DNAJA4: variants seen among roughly 807,000 people sequenced by gnomAD.
DNAJA4 encodes the protein DnaJ heat shock protein family (Hsp40) member A4.
Under a neutral mutation model 39.7 loss-of-function variants are expected in DNAJA4, and 32 were observed. The observed-to-expected ratio is 0.81, with a 90% CI of 0.61 to 1.08. The LOEUF is 1.08. Among genes scored for constraint, DNAJA4 ranks in the 50% least tolerant of loss-of-function variants. The pLI, the probability that DNAJA4 is intolerant of heterozygous loss-of-function variation, is 0.00. For synonymous variants in DNAJA4, 184 were observed against 182.4 expected, an observed-to-expected ratio of 1.01 and a Z score of -0.07; for missense variants, 439 against 505.1, an observed-to-expected ratio of 0.87 and a Z score of 1.25.
chr15:78,273,778 C>T (rs370384293), intron 3 of DNAJA4, among the ~76,000 whole-genome samples: 26 of 152,094 alleles, frequency 1.7e-4, no homozygotes, highest in Admixed American at 7.9e-4. Context: ...CAAGAAAAGC[C>T]ATGTCTGGTG....
chr15:78,280,401 G>C lies in DNAJA4; in HGVS notation c.1135G>C (p.Glu379Gln). 6.2e-7 allele frequency: 1 copy of C among 1,614,058 alleles called. No homozygotes were observed. The highest frequency in any genetic ancestry group is 8.5e-7 in the Non-Finnish European group (1 of 1,180,020). Reference sequence around the variant, plus strand: ...TGAGCAGAACTGGCGTCAGCACAGGGAGGCCTACGAGGAGGACGAAGACGG... The same window carrying C: ...TGAGCAGAACTGGCGTCAGCACAGGCAGGCCTACGAGGAGGACGAAGACGG... ...PNEQNWRQHR[E>Q]AYEEDEDGPQ... The change falls in exon 7 of 7, where the codon GAG (glutamate) becomes CAG (glutamine). Residue 379 changes from glutamate to glutamine, a missense_variant. Physicochemically the swap from Glu to Gln is conservative, Grantham distance 29. Coordinates refer to ENST00000394852, the MANE Select transcript of DNAJA4 (RefSeq NM_001130182.2).
At chr15:78,264,480 AG>A (rs946168352), upstream of DNAJA4, 40 of 1,277,660 alleles carry the variant, frequency 3.1e-5, no homozygotes, top group African/African-American at 6.2e-4. Flanking sequence ...CGAAGGTTCT[AG>A]GCCTTTGTGG....
intron 2 of DNAJA4, among the ~76,000 whole-genome samples, chr15:78,271,073 A>AC (rs2049282491): frequency 1.3e-5 from 2 of 151,006 alleles, no homozygotes; most frequent in Non-Finnish European, 3.0e-5. Flanking sequence ...AAACAAACAA[A>AC]AAACCCCACC....
At chr15:78,267,748 T>A (rs1459603096) in intron 1 of DNAJA4, among the ~76,000 whole-genome samples, 1 of 152,232 alleles carries the variant, frequency 6.6e-6, no homozygotes, top group East Asian at 1.9e-4. Context: ...CTTTCCAAGC[T>A]TTCCCCAGTA....
chr15:78,268,395 A>G (rs756128184), intron 1 of DNAJA4, among the ~76,000 whole-genome samples: 2 of 152,188 alleles, frequency 1.3e-5, no homozygotes, highest in Admixed American at 6.5e-5. Flanking sequence ...TAGCTGCCTT[A>G]TATATGATGC....
chr15:78,267,135 T>TG (rs1555438001), intron 1 of DNAJA4, among the ~76,000 whole-genome samples: 2 of 105,048 alleles, frequency 1.9e-5, no homozygotes, highest in Non-Finnish European at 4.1e-5. Context: ...TGTGAGTGTG[T>TG]ATGTGAGTGT....
chr15:78,274,444 G>A lies in DNAJA4; in HGVS notation c.646+20G>A. 1 of 1,609,572 alleles carries A rather than the reference G, an allele frequency of 6.2e-7. No individual in the cohort carries two copies. The highest frequency in any genetic ancestry group is 8.5e-7 in the Non-Finnish European group (1 of 1,176,646). ...AAAAAGGTGAGGCTGCGCAGAGCTGGTGCTCCACACGGGCTGGAAATGCTG... is the reference window on the plus strand; with the variant it reads ...AAAAAGGTGAGGCTGCGCAGAGCTGATGCTCCACACGGGCTGGAAATGCTG... On this transcript the variant is annotated intron_variant, in intron 4 of 6. Coordinates refer to ENST00000394852, the MANE Select transcript of DNAJA4 (RefSeq NM_001130182.2).
intron 4 of DNAJA4, 175 bp from the exon 5 acceptor site, chr15:78,275,323 G>A (rs947054865): frequency 2.9e-5 from 17 of 589,606 alleles, no homozygotes; most frequent in South Asian, 2.2e-4. Flanking sequence ...CAAGGGAAGC[G>A]GGACCTCTTC....
Position 78,273,132 on chromosome 15 carries a change from A to G in DNAJA4, c.351A>G (p.Glu117=). The change falls in exon 3 of 7, where the codon GAA becomes GAG. Residue 117 remains glutamate, a synonymous_variant. Coordinates refer to ENST00000394852, the MANE Select transcript of DNAJA4 (RefSeq NM_001130182.2). ...TACACCAGTTATCTGTAACTCTTGA[A>G]GATCTATATAATGGAGTCACGAAGA... The part of the protein sequence containing the change: ...NVVHQLSVTL[E]DLYNGVTKKL... The G allele has an allele frequency of 6.2e-7, 1 of 1,605,786 alleles. No individual in the cohort carries two copies. Among genetic ancestry groups the G allele is most frequent in the Non-Finnish European group, 8.5e-7 (1 of 1,173,684 alleles).
intron 5 of DNAJA4, among the ~76,000 whole-genome samples, chr15:78,276,547 C>T (rs2049464461): frequency 6.6e-6 from 1 of 152,204 alleles, no homozygotes; most frequent in Non-Finnish European, 1.5e-5. Context: ...AGAGGCCAGG[C>T]CAGGGACCTT....
chr15:78,269,737 T>A (rs1169622490), intron 1 of DNAJA4, among the ~76,000 whole-genome samples: 2 of 152,140 alleles, frequency 1.3e-5, no homozygotes, highest in Admixed American at 1.3e-4. Context: ...CAGGATCTGA[T>A]CCAGGATCAC....
chr15:78,267,172 G>GTC (rs2049154931), intron 1 of DNAJA4, among the ~76,000 whole-genome samples: 2 of 128,478 alleles, frequency 1.6e-5, no homozygotes, highest in African/African-American at 3.4e-5. Flanking sequence ...GTGAGTGTGT[G>GTC]AGTGTGTGAG....
Position 78,275,647 on chromosome 15 carries a change from C to T in DNAJA4, c.796C>T (p.Gln266Ter). The change falls in exon 5 of 7, where the codon CAG (glutamine) becomes TAG (stop). Residue 266 changes from glutamine (Q) to a stop codon, truncating the protein, a stop_gained. Coordinates refer to ENST00000394852, the MANE Select transcript of DNAJA4 (RefSeq NM_001130182.2). LOFTEE classifies it high-confidence loss of function. Reference protein sequence around the residue: ...GHDLIMKMKIQLSEALCGFKK... With the variant: ...GHDLIMKMKI ...TGACTTGATCATGAAAATGAAAATT[C>T]AGCTTTCTGAAGCTCTTTGTGGCTT... 6.2e-7 allele frequency: 1 copy of T among 1,614,160 alleles called. No individual in the cohort carries two copies. The highest frequency in any genetic ancestry group is 8.5e-7 in the Non-Finnish European group (1 of 1,180,026).
At position 78,273,118 on chromosome 15, in the gene DNAJA4, T is replaced by C. The variant is rs377392731; in HGVS notation, c.337T>C (p.Ser113Pro). 37 of 1,601,620 alleles carry C rather than the reference T, an allele frequency of 2.3e-5. No homozygotes were observed. Among genetic ancestry groups the C allele is most frequent in the Non-Finnish European group, 2.6e-5 (30 of 1,170,146 alleles). The stretch of plus-strand genomic sequence containing the variant: ...AGGCAAGAATGTTGTACACCAGTTA[T>C]CTGTAACTCTTGAAGATCTATATAA... ...RRGKNVVHQL[S>P]VTLEDLYNGV... Residue 113 changes from serine (S) to proline (P), a missense_variant, in exon 3 of 7, where the codon TCT becomes CCT. Physicochemically the swap from Ser to Pro is moderately conservative, Grantham distance 74. Coordinates refer to ENST00000394852, the MANE Select transcript of DNAJA4 (RefSeq NM_001130182.2).
chr15:78,264,319 C>G, upstream of DNAJA4: 5 of 1,405,786 alleles, frequency 3.6e-6, no homozygotes, highest in Non-Finnish European at 4.6e-6. Context: ...CCGCCATGGC[C>G]CGGGGCGGCA....
chr15:78,264,571 G>T lies in DNAJA4; in HGVS notation c.-193G>T. 1 of 1,197,370 alleles carries T rather than the reference G, an allele frequency of 8.4e-7. No homozygotes were observed. Among genetic ancestry groups the T allele is most frequent in the Non-Finnish European group, 1.0e-6 (1 of 966,348 alleles). 74.2% of individuals were successfully genotyped at this position (1,197,370 alleles called of 1,614,324 possible). A position where few individuals can be genotyped will look rare whatever the true frequency, so the allele number is the denominator to read the frequency against. ...AGGAGCCGGTGGCTCTAGTGCGGTGGAGCCAGGCGTGGAAGTCGGTCCGGC... is the reference window on the plus strand; with the variant it reads ...AGGAGCCGGTGGCTCTAGTGCGGTGTAGCCAGGCGTGGAAGTCGGTCCGGC... On this transcript the variant is annotated 5_prime_UTR_variant, in exon 1 of 7. Coordinates refer to ENST00000394852, the MANE Select transcript of DNAJA4 (RefSeq NM_001130182.2).
At chr15:78,271,895 G>C (rs977991200) in intron 2 of DNAJA4, among the ~76,000 whole-genome samples, 2 of 152,106 alleles carry the variant, frequency 1.3e-5, no homozygotes, top group African/African-American at 4.8e-5. Flanking sequence ...TCAGTGAGAG[G>C]CCCCTAGATA....
intron 4 of DNAJA4, chr15:78,274,705 G>C: frequency 2.2e-6 from 1 of 451,198 alleles, no homozygotes; most frequent in Non-Finnish European, 4.1e-6. Context: ...ACCTGGCCTT[G>C]GTTTGGGTTA....
At position 78,268,836 on chromosome 15, in the gene DNAJA4, A is replaced by G. The variant is rs142525208; in HGVS notation, c.133-1661A>G. 1.6e-3 allele frequency among the ~76,000 whole-genome samples: 242 copies of G among 152,334 alleles called. 1 individual carries two copies. The highest frequency in any genetic ancestry group is 5.6e-3 in the African/African-American group (231 of 41,568). On this transcript the variant is annotated intron_variant, in intron 1 of 6. Transcript: ENST00000394852. ...CTTATGTTGCAGTGGGGGCTACAGC[A>G]TAAGCAGTAGATGATGCAGCTTGTT... is the stretch of plus-strand genomic sequence containing the variant.
Sources: gnomAD v4.1 joint callset for allele counts (sites outside exome capture counted in the v4.1 genomes callset) on GRCh38, gnomAD v4.1.1 for gene constraint, MANE v1.5 for transcripts, NCBI Gene and HGNC (gene_info 2026-07-23, HGNC 2026-07-21) for gene names.